ST7: variants seen among roughly 807,000 people sequenced by gnomAD.
ST7 encodes the protein suppression of tumorigenicity 7, also known as suppressor of tumorigenicity 7 protein.
A neutral mutation model predicts 78.7 loss-of-function variants in ST7; 28 were observed. The observed-to-expected ratio is 0.36, with a 90% CI of 0.26 to 0.49. The LOEUF is 0.49. Among genes scored for constraint, ST7 ranks in the 20% least tolerant of loss-of-function variants. The pLI, the probability that ST7 is intolerant of heterozygous loss-of-function variation, is 0.99. For missense variants in ST7, 418 were observed against 696.0 expected, an observed-to-expected ratio of 0.60 and a Z score of 4.49; for synonymous variants, 247 against 249.6, an observed-to-expected ratio of 0.99 and a Z score of 0.10.
At chr7:117,088,074 A>G (rs972641730) in intron 1 of ST7, among the ~76,000 whole-genome samples, 5 of 152,144 alleles carry the variant, frequency 3.3e-5, no homozygotes, top group African/African-American at 7.2e-5. Context: ...CAATTCCTTT[A>G]TGTATGCTGT....
At chr7:117,209,327 A>T (rs1792091880) in intron 12 of ST7, among the ~76,000 whole-genome samples, 1 of 152,162 alleles carries the variant, frequency 6.6e-6, no homozygotes, top group African/African-American at 2.4e-5. Context: ...TTTTCATAGG[A>T]CAAGATTTTT....
chr7:116,974,882 A>G (rs1319611110), intron 1 of ST7, among the ~76,000 whole-genome samples: 6 of 152,214 alleles, frequency 3.9e-5, no homozygotes, highest in African/African-American at 1.4e-4. Context: ...ATACAAATGC[A>G]AGTGTCCTGC....
intron 1 of ST7, among the ~76,000 whole-genome samples, chr7:116,989,400 G>A (rs1296290957): frequency 6.6e-6 from 1 of 152,002 alleles, no homozygotes; most frequent in African/African-American, 2.4e-5. Flanking sequence ...TCTTCATTGA[G>A]GTATCATTTA....
intron 1 of ST7, among the ~76,000 whole-genome samples, chr7:117,042,516 A>C (rs920176556): frequency 6.6e-6 from 1 of 152,208 alleles, no homozygotes; most frequent in Non-Finnish European, 1.5e-5. Context: ...AGTGGGAAGT[A>C]TAAGATATTA....
chr7:117,099,488 G>A (rs1236919169), intron 1 of ST7, among the ~76,000 whole-genome samples: 1 of 152,154 alleles, frequency 6.6e-6, no homozygotes, highest in African/African-American at 2.4e-5. Flanking sequence ...ATGAATCCAT[G>A]AAAACCGTTA....
intron 12 of ST7, among the ~76,000 whole-genome samples, chr7:117,200,832 T>G (rs1006758824): frequency 8.2e-6 from 1 of 121,686 alleles, no homozygotes; most frequent in African/African-American, 2.9e-5. Flanking sequence ...TTTTTTTTTT[T>G]TTAAAAAAAA....
At chr7:117,106,085 G>A (rs1240154379) in intron 2 of ST7, among the ~76,000 whole-genome samples, 1 of 151,904 alleles carries the variant, frequency 6.6e-6, no homozygotes, top group East Asian at 1.9e-4. Context: ...TGCAAGCTCC[G>A]CTTCCCGGGT....
intron 1 of ST7, among the ~76,000 whole-genome samples, chr7:117,029,926 G>A (rs1050913838): frequency 6.6e-6 from 1 of 151,982 alleles, no homozygotes; most frequent in Non-Finnish European, 1.5e-5. Flanking sequence ...TACTATAATT[G>A]TTATTACTGT....
intron 2 of ST7, among the ~76,000 whole-genome samples, chr7:117,105,807 AT>A (rs1200536114): frequency 6.6e-6 from 1 of 152,222 alleles, no homozygotes; most frequent in African/African-American, 2.4e-5. Context: ...AAGGTATCAA[AT>A]TATCACATGT....
At chr7:117,127,210 G>T (rs1022717537) in intron 3 of ST7, among the ~76,000 whole-genome samples, 7 of 151,786 alleles carry the variant, frequency 4.6e-5, no homozygotes, top group African/African-American at 1.7e-4. Flanking sequence ...ATTCCTTAAA[G>T]GAACACATAA....
At chr7:116,984,424 C>A (rs1388961667) in intron 1 of ST7, among the ~76,000 whole-genome samples, 1 of 152,148 alleles carries the variant, frequency 6.6e-6, no homozygotes, top group Non-Finnish European at 1.5e-5. Context: ...ATCTGTTATA[C>A]AATAGCGCAT....
intron 1 of ST7, among the ~76,000 whole-genome samples, chr7:117,021,492 T>C (rs1795912414): frequency 6.6e-6 from 1 of 152,234 alleles, no homozygotes; most frequent in African/African-American, 2.4e-5. Context: ...GCATTAAATA[T>C]TGGCAAGCCA....
intron 1 of ST7, among the ~76,000 whole-genome samples, chr7:117,059,342 G>A (rs1798229527): frequency 1.3e-5 from 2 of 151,996 alleles, no homozygotes; most frequent in Admixed American, 6.6e-5. Flanking sequence ...AAAAATTAAA[G>A]ATAAAAAGAA....
chr7:117,198,932 A>G (rs1472046030), intron 12 of ST7: 1 of 152,340 alleles, frequency 6.6e-6, no homozygotes, highest in Non-Finnish European at 1.5e-5. Flanking sequence ...AACAGTCCCT[A>G]ATACACACAT....
chr7:117,052,404 T>C (rs1486367503), intron 1 of ST7, among the ~76,000 whole-genome samples: 1 of 152,216 alleles, frequency 6.6e-6, no homozygotes, highest in Non-Finnish European at 1.5e-5. Context: ...TAGAGTTATA[T>C]CTTTGCAACT....
intron 1 of ST7, among the ~76,000 whole-genome samples, chr7:117,049,221 T>C (rs947772721): frequency 1.3e-5 from 2 of 152,232 alleles, no homozygotes; most frequent in Admixed American, 6.5e-5. Context: ...CCTTAAATCC[T>C]GGTGATTCCT....
intron 10 of ST7, among the ~76,000 whole-genome samples, chr7:117,181,816 A>G (rs1179895696): frequency 6.6e-6 from 1 of 152,212 alleles, no homozygotes; most frequent in African/African-American, 2.4e-5. Flanking sequence ...CTGTTTGTCT[A>G]TACAATAGTA....
intron 1 of ST7, among the ~76,000 whole-genome samples, chr7:117,090,143 G>A (rs898853592): frequency 6.6e-6 from 1 of 152,020 alleles, no homozygotes; most frequent in Non-Finnish European, 1.5e-5. Flanking sequence ...GATAATATAA[G>A]TATATCTGGG....
intron 10 of ST7, among the ~76,000 whole-genome samples, chr7:117,184,694 A>G (rs187456029): frequency 2.6e-5 from 4 of 152,280 alleles, no homozygotes; most frequent in Admixed American, 2.6e-4. Flanking sequence ...ACAGATCTAT[A>G]TCTTGGTGTG....
Sources: allele counts gnomAD v4.1 joint callset (sites outside exome capture counted in the v4.1 genomes callset), GRCh38; gene constraint gnomAD v4.1.1; transcripts MANE v1.5; gene names NCBI Gene and HGNC (gene_info 2026-07-23, HGNC 2026-07-21).